Variants in TAFA2 observed in about 807,000 individuals in gnomAD.
TAFA2 encodes the protein TAFA chemokine like family member 2.
A neutral mutation model predicts 18.8 loss-of-function variants in TAFA2; 7 were observed. That is an observed-to-expected ratio of 0.37 (90% confidence interval 0.21 to 0.70). The LOEUF (loss-of-function observed/expected upper bound fraction) is 0.70, where lower values mean the gene tolerates loss of function less well. Among genes scored for constraint, TAFA2 ranks in the 30% least tolerant of loss-of-function variants. The pLI, the probability that TAFA2 is intolerant of heterozygous loss-of-function variation, is 0.53. For missense variants in TAFA2, 122 were observed against 158.1 expected (o/e 0.77, Z 1.23); for synonymous variants, 60 against 54.2 (o/e 1.11, Z -0.47).
At chr12:61,763,540 C>CTT (rs1555163109) in intron 2 of TAFA2, among the ~76,000 whole-genome samples, 2 of 151,834 alleles carry the variant, frequency 1.3e-5, no homozygotes, top group Non-Finnish European at 2.9e-5. Context: ...TAAGTGGACC[C>CTT]TTTATACACT....
At chr12:61,951,684 A>T (rs1349112122) in intron 1 of TAFA2, among the ~76,000 whole-genome samples, 1 of 152,054 alleles carries the variant, frequency 6.6e-6, no homozygotes, top group African/African-American at 2.4e-5. Flanking sequence ...ATAGTGTATC[A>T]TTTTTTCTTT....
intron 1 of TAFA2, among the ~76,000 whole-genome samples, chr12:62,026,784 G>C (rs1184505646): frequency 6.6e-6 from 1 of 152,044 alleles, no homozygotes; most frequent in East Asian, 1.9e-4. Flanking sequence ...AAACAAAATG[G>C]CTTCAACAAA....
chr12:62,044,703 G>T (rs1256526016), intron 1 of TAFA2, among the ~76,000 whole-genome samples: 1 of 152,078 alleles, frequency 6.6e-6, no homozygotes, highest in African/African-American at 2.4e-5. Context: ...GGGGCCAACT[G>T]GTTTTGGAAA....
At chr12:61,747,834 G>A (rs1868803291) in intron 4 of TAFA2, among the ~76,000 whole-genome samples, 1 of 151,194 alleles carries the variant, frequency 6.6e-6, no homozygotes, top group Non-Finnish European at 1.5e-5. Context: ...CCTGCACATT[G>A]TGCACATGTA....
intron 1 of TAFA2, among the ~76,000 whole-genome samples, chr12:61,928,383 G>A (rs1018622918): frequency 2.6e-5 from 4 of 152,166 alleles, no homozygotes; most frequent in Non-Finnish European, 4.4e-5. Flanking sequence ...CTCAAAAGAA[G>A]ACGTTTATGT....
At chr12:61,986,161 T>TC (rs1879809202) in intron 1 of TAFA2, among the ~76,000 whole-genome samples, 1 of 129,510 alleles carries the variant, frequency 7.7e-6, no homozygotes, top group Non-Finnish European at 1.7e-5. Context: ...AGCTCTTCTT[T>TC]TTTTTTTTTT....
intron 1 of TAFA2, among the ~76,000 whole-genome samples, chr12:62,245,741 T>C (rs1208639235): frequency 5.9e-5 from 6 of 100,894 alleles, no homozygotes; most frequent in Admixed American, 5.3e-4. Context: ...TAGATACATA[T>C]ATACATATTT....
chr12:61,906,894 A>T (rs941265597), intron 1 of TAFA2, among the ~76,000 whole-genome samples: 9 of 152,310 alleles, frequency 5.9e-5, no homozygotes, highest in Admixed American at 5.9e-4. Flanking sequence ...TGAAAGTTTG[A>T]ACTTGAGAGA....
intron 1 of TAFA2, among the ~76,000 whole-genome samples, chr12:62,167,067 GA>G (rs1029780392): frequency 3.3e-5 from 5 of 150,062 alleles, no homozygotes. Flanking sequence ...AACACTAAGT[GA>G]AAAAAAAATC....
chr12:62,098,208 G>A (rs2136844278), intron 1 of TAFA2, among the ~76,000 whole-genome samples: 1 of 152,206 alleles, frequency 6.6e-6, no homozygotes, highest in Admixed American at 6.5e-5. Context: ...AGATGCATTC[G>A]TGCTTGAAGA....
chr12:61,804,276 CTGT>C (rs1391449916), intron 2 of TAFA2, among the ~76,000 whole-genome samples: 1 of 152,038 alleles, frequency 6.6e-6, no homozygotes, highest in Non-Finnish European at 1.5e-5. Flanking sequence ...TTCACTATTA[CTGT>C]TGTTAACATT....
chr12:61,939,726 A>G (rs1382374094), intron 1 of TAFA2, among the ~76,000 whole-genome samples: 4 of 152,238 alleles, frequency 2.6e-5, no homozygotes, highest in African/African-American at 9.6e-5. Flanking sequence ...AGGACAATAC[A>G]TTTGATGGCT....
At chr12:61,842,710 T>G (rs1258362607) in intron 2 of TAFA2, among the ~76,000 whole-genome samples, 1 of 152,022 alleles carries the variant, frequency 6.6e-6, no homozygotes, top group Non-Finnish European at 1.5e-5. Flanking sequence ...CATTTTAATT[T>G]AATAAAAAAT....
At chr12:61,762,331 C>A (rs1251195008) in intron 2 of TAFA2, among the ~76,000 whole-genome samples, 4 of 151,984 alleles carry the variant, frequency 2.6e-5, no homozygotes, top group African/African-American at 7.2e-5. Context: ...TGCTTGATAA[C>A]CTTGAAAGAG....
At chr12:61,768,482 C>T (rs1411633699) in intron 2 of TAFA2, among the ~76,000 whole-genome samples, 4 of 152,030 alleles carry the variant, frequency 2.6e-5, no homozygotes, top group Non-Finnish European at 5.9e-5. Flanking sequence ...CTGTAGGTTT[C>T]GTGAGATGGC....
intron 1 of TAFA2, among the ~76,000 whole-genome samples, chr12:62,047,314 G>T (rs1881936049): frequency 1.3e-5 from 2 of 152,048 alleles, no homozygotes; most frequent in African/African-American, 4.8e-5. Flanking sequence ...ATGATATTTG[G>T]CAAGTGACAA....
intron 1 of TAFA2, among the ~76,000 whole-genome samples, chr12:62,110,867 T>A (rs1869699202): frequency 6.6e-6 from 1 of 152,120 alleles, no homozygotes; most frequent in South Asian, 2.1e-4. Flanking sequence ...TGTGTCTATT[T>A]GATTCTTCTC....
intron 2 of TAFA2, among the ~76,000 whole-genome samples, chr12:61,769,152 G>A (rs185039490): frequency 6.6e-6 from 1 of 151,302 alleles, no homozygotes; most frequent in Admixed American, 6.6e-5. Context: ...ATCAGCCTGA[G>A]AACTATATCC....
rs1441902188 is a variant in TAFA2 at position 62,027,413 on chromosome 12, A to G, written c.-1-159987T>C. Among the ~76,000 whole-genome samples, 4 of 152,214 alleles carry G rather than the reference A, an allele frequency of 2.6e-5. No homozygotes were observed. The East Asian group carries it at 5.8e-4, about 22-fold the overall frequency. On this transcript the variant is annotated intron_variant, in intron 1 of 4. Transcript: ENST00000416284. ...ACTAGAGAAGATTCAATTATTCTCAAAAGAAATCATAAAATTTAAAAATTT... is the reference window on the plus strand; with the variant it reads ...ACTAGAGAAGATTCAATTATTCTCAGAAGAAATCATAAAATTTAAAAATTT...
Sources: allele counts gnomAD v4.1 joint callset (sites outside exome capture counted in the v4.1 genomes callset), GRCh38; gene constraint gnomAD v4.1.1; transcripts MANE v1.5; gene names NCBI Gene and HGNC (gene_info 2026-07-23, HGNC 2026-07-21).